Variants in SYTL4 observed in about 807,000 individuals in gnomAD.
The protein encoded by SYTL4 is synaptotagmin-like protein 4.
A neutral mutation model predicts 52.7 loss-of-function variants in SYTL4; 16 were observed. The observed-to-expected ratio is 0.30, with a 90% confidence interval of 0.21 to 0.46. The LOEUF (loss-of-function observed/expected upper bound fraction) is 0.46. SYTL4 is among the 20% of genes least tolerant of loss of function. The pLI is 1.00. For synonymous variants in SYTL4, 160 were observed against 186.6 expected (o/e 0.86, Z 1.16); for missense variants, 423 against 519.9 (o/e 0.81, Z 1.81).
intron 2 of SYTL4, among the ~76,000 whole-genome samples, chrX:100,715,485 G>T (rs1229054296): frequency 8.9e-6 from 1 of 111,789 alleles, no homozygotes; most frequent in Non-Finnish European, 1.9e-5. Flanking sequence ...TCTACAAATT[G>T]CCATATATTT....
In SYTL4 at chrX:100,692,653, G is replaced by C. The variant is rs1454714525; in HGVS notation, c.540-1444C>G. Among the ~76,000 whole-genome samples the C allele has an allele frequency of 3.6e-5, 4 of 111,183 alleles. No homozygotes were observed. In the East Asian group the frequency reaches 1.1e-3, roughly 32 times the overall value. The stretch of plus-strand genomic sequence containing the variant: ...AGAATTAGTGAGAGCAGCAGGAAAA[G>C]GGGGAAAAAACATCGATTCTTCCTC... On this transcript the variant is annotated intron_variant, in intron 8 of 19. Transcript: ENST00000372989.
At chrX:100,692,458 T>G (rs902200610) in intron 8 of SYTL4, among the ~76,000 whole-genome samples, 1 of 111,775 alleles carries the variant, frequency 8.9e-6, no homozygotes, top group East Asian at 2.8e-4. Context: ...ATGCCCTCAG[T>G]GGGACTGAGA....
intron 2 of SYTL4, among the ~76,000 whole-genome samples, chrX:100,713,946 G>T (rs918656673): frequency 9.0e-6 from 1 of 110,747 alleles, no homozygotes; most frequent in African/African-American, 3.3e-5. Flanking sequence ...AGGAGTTGAC[G>T]GGGGTAAGGA....
rs2083496405 is a variant in SYTL4, at chrX:100,687,451, T to C, written c.1006-206A>G. 7.3e-6 allele frequency: 3 copies of C among 409,907 alleles called. No individual in the cohort carries two copies. The African/African-American group carries it at 7.5e-5, about 10-fold the overall frequency. The allele number at this position is 409,907 out of a possible 1,213,427, so 33.8% of individuals were successfully genotyped here. On this transcript the variant is annotated intron_variant, in intron 13 of 19. Transcript: ENST00000372989. ...TTGTTCAGGTGAATGAATCAGCTCA[T>C]GGCTCACCTAGCCTCTTAGCTTCTC...
In SYTL4 at chrX:100,697,572, G is replaced by C. The variant is rs976039127; in HGVS notation, c.539+3325C>G. Among the ~76,000 whole-genome samples, 4 of 111,665 alleles carry C rather than the reference G, an allele frequency of 3.6e-5. No individual in the cohort carries two copies. The East Asian group carries it at 1.1e-3, about 31-fold the overall frequency. Reference sequence around the variant, plus strand: ...GAGTCTGGAGAAGAATTTAACCCTAGGAAAACAAGTAGGTTTCATGTGAGT... The same window carrying C: ...GAGTCTGGAGAAGAATTTAACCCTACGAAAACAAGTAGGTTTCATGTGAGT... On this transcript the variant is annotated intron_variant, in intron 8 of 19. Transcript: ENST00000372989.
At chrX:100,685,913 C>T in intron 16 of SYTL4, 77 bp downstream of exon 16, 1 of 1,008,889 alleles carries the variant, frequency 9.9e-7, no homozygotes, top group African/African-American at 1.9e-5. Context: ...AAAGACGCTA[C>T]CAACATAGAC....
At chrX:100,692,988 T>C (rs764949300) in intron 8 of SYTL4, among the ~76,000 whole-genome samples, 1 of 112,134 alleles carries the variant, frequency 8.9e-6, no homozygotes, top group Admixed American at 9.4e-5. Context: ...TGGAGTGCAG[T>C]GGCACAATCT....
At chrX:100,705,735 G>A (rs2083943795) in intron 2 of SYTL4, among the ~76,000 whole-genome samples, 1 of 111,688 alleles carries the variant, frequency 9.0e-6, no homozygotes. Context: ...ATCCAGGGAA[G>A]TAAGAAGATC....
chrX:100,726,751 C>T (rs2084526889), intron 2 of SYTL4, among the ~76,000 whole-genome samples: 1 of 111,181 alleles, frequency 9.0e-6, no homozygotes, highest in Admixed American at 9.6e-5. Flanking sequence ...CTCTCCTTCC[C>T]ATCATAGCCA....
intron 16 of SYTL4, among the ~76,000 whole-genome samples, chrX:100,683,683 T>A (rs971379386): frequency 6.0e-4 from 67 of 112,304 alleles, no homozygotes; most frequent in African/African-American, 2.1e-3. Flanking sequence ...TTAAAATCGA[T>A]ATATAATATG....
chrX:100,686,115 G>A lies in SYTL4; in HGVS notation c.1324C>T (p.Leu442=), dbSNP rs758924678. The change falls in exon 16 of 20, where the codon CTG becomes TTG. Residue 442 remains leucine, a synonymous_variant. Coordinates refer to ENST00000372989, the MANE Select transcript of SYTL4 (RefSeq NM_001370165.1). The part of the protein sequence containing the change: ...IPESLLAQRT[L]QFSVWHHGRF... ...CCATGATGCCAAACTGAGAACTGCA[G>A]GGTCCTCTGGGCCAGGAGAGATTCT... is the stretch of plus-strand genomic sequence containing the variant. The A allele has an allele frequency of 8.3e-6, 10 of 1,208,464 alleles. No individual in the cohort carries two copies. Among genetic ancestry groups the A allele is most frequent in the Admixed American group, 2.2e-5 (1 of 45,707 alleles).
chrX:100,701,443 A>T lies in SYTL4; in HGVS notation c.326+15T>A, dbSNP rs1388840491. On this transcript the variant is annotated intron_variant, in intron 6 of 19. Coordinates refer to ENST00000372989, the MANE Select transcript of SYTL4 (RefSeq NM_001370165.1). The stretch of plus-strand genomic sequence containing the variant: ...GGCCTCGCCCCCTCTCTACTCAGCC[A>T]TAGGTGACACTCACATTTCCTTGGC... The T allele has an allele frequency of 8.3e-7, 1 of 1,207,013 alleles. No individual in the cohort carries two copies. Among genetic ancestry groups the T allele is most frequent in the Admixed American group, 2.2e-5 (1 of 46,115 alleles).
intron 2 of SYTL4, among the ~76,000 whole-genome samples, chrX:100,718,756 A>G: frequency 9.0e-6 from 1 of 110,655 alleles, no homozygotes; most frequent in Middle Eastern, 4.7e-3. Flanking sequence ...GATTCTACAA[A>G]AGTAGAGTTT....
In SYTL4 at chrX:100,683,487, G is replaced by A. The variant is rs776235484; in HGVS notation, c.1450-2152C>T. 2.7e-5 allele frequency among the ~76,000 whole-genome samples: 3 copies of A among 111,136 alleles called. 1 individual carries two copies. Among genetic ancestry groups the A allele is most frequent in the Non-Finnish European group, 5.6e-5 (3 of 53,109 alleles). Reference sequence around the variant, plus strand: ...CTAACTTAGGTCCTTACCAATGCTAGGAAGGCATAATCCCCATAAGTTTGG... The same window carrying A: ...CTAACTTAGGTCCTTACCAATGCTAAGAAGGCATAATCCCCATAAGTTTGG... On this transcript the variant is annotated intron_variant, in intron 16 of 19. Transcript: ENST00000372989.
chrX:100,700,103 G>T (rs745950728), intron 8 of SYTL4, among the ~76,000 whole-genome samples: 6 of 111,082 alleles, frequency 5.4e-5, no homozygotes, highest in Non-Finnish European at 1.1e-4. Flanking sequence ...AAGGGTAAAG[G>T]GTTTCTTTTT....
At chrX:100,728,903 G>A (rs1294173891) in intron 2 of SYTL4, among the ~76,000 whole-genome samples, 1 of 110,166 alleles carries the variant, frequency 9.1e-6, no homozygotes, top group Non-Finnish European at 1.9e-5. Flanking sequence ...CGGGCATGGT[G>A]GCGGGCGCCT....
At chrX:100,682,772 C>T (rs1182984732) in intron 16 of SYTL4, among the ~76,000 whole-genome samples, 2 of 111,513 alleles carry the variant, frequency 1.8e-5, no homozygotes, top group Non-Finnish European at 3.8e-5. Context: ...CTCTGTTACA[C>T]GAATTTGGAT....
intron 2 of SYTL4, among the ~76,000 whole-genome samples, chrX:100,715,047 G>C (rs1034582796): frequency 9.0e-6 from 1 of 111,409 alleles, no homozygotes. Flanking sequence ...TTGAGACAGA[G>C]TCTCACTCTG....
At chrX:100,693,537 C>G (rs1017549436) in intron 8 of SYTL4, among the ~76,000 whole-genome samples, 4 of 112,140 alleles carry the variant, frequency 3.6e-5, no homozygotes, top group African/African-American at 1.3e-4. Flanking sequence ...TCCAAACCAC[C>G]ATCATGTAGC....
Sources: gnomAD v4.1 joint callset for allele counts (sites outside exome capture counted in the v4.1 genomes callset) on GRCh38, gnomAD v4.1.1 for gene constraint, MANE v1.5 for transcripts, NCBI Gene and HGNC (gene_info 2026-07-23, HGNC 2026-07-21) for gene names.